The following FTO variants were observed in gnomAD, a reference collection of about 807,000 sequenced individuals.
FTO encodes the protein alpha-ketoglutarate-dependent dioxygenase FTO.
In FTO, 47 loss-of-function variants were observed where a neutral mutation model predicts 63.9. The ratio of observed to expected loss-of-function variants is 0.74; its 90% CI spans 0.58 to 0.94. The LOEUF is 0.94. FTO is among the 40% of genes least tolerant of loss of function. The pLI, the probability that FTO is intolerant of heterozygous loss-of-function variation, is 0.00. For synonymous variants in FTO, 207 were observed against 224.4 expected, an observed-to-expected ratio of 0.92 and a Z score of 0.69; for missense variants, 562 against 618.1, an observed-to-expected ratio of 0.91 and a Z score of 0.96.
chr16:53,748,954 C>T (rs1405106072), intron 1 of FTO, among the ~76,000 whole-genome samples: 5 of 151,018 alleles, frequency 3.3e-5, no homozygotes, highest in African/African-American at 1.2e-4. Flanking sequence ...TTAGTAGAGA[C>T]GAGGTTTCAC....
chr16:53,999,874 T>A (rs2084028814), intron 8 of FTO: 1 of 152,224 alleles, frequency 6.6e-6, no homozygotes, highest in African/African-American at 2.4e-5. Flanking sequence ...CCACTCTGGA[T>A]TGACAGACAT....
intron 8 of FTO, among the ~76,000 whole-genome samples, chr16:53,961,433 A>G (rs2083078920): frequency 6.6e-6 from 1 of 152,206 alleles, no homozygotes; most frequent in Admixed American, 6.5e-5. Flanking sequence ...ATGCTGTTGC[A>G]CCTGAAGTTT....
At chr16:53,894,921 T>G (rs1054934651) in intron 7 of FTO, among the ~76,000 whole-genome samples, 12 of 152,204 alleles carry the variant, frequency 7.9e-5, no homozygotes, top group Non-Finnish European at 1.8e-4. Context: ...TTTCTGAAAC[T>G]GGTGTGCAGG....
At chr16:53,969,203 T>C (rs866341034) in intron 8 of FTO, among the ~76,000 whole-genome samples, 3 of 149,704 alleles carry the variant, frequency 2.0e-5, no homozygotes, top group African/African-American at 5.1e-5. Flanking sequence ...CTGTCCTTTA[T>C]ATTAAAAGAA....
At chr16:53,704,031 G>A (rs1971782909), upstream of FTO, 5 of 831,482 alleles carry the variant, frequency 6.0e-6, no homozygotes, top group African/African-American at 1.7e-5. Flanking sequence ...CGCGGGTGTC[G>A]CCGCGGTGCA....
At chr16:54,107,833 C>T (rs2086791091) in intron 8 of FTO, among the ~76,000 whole-genome samples, 1 of 152,204 alleles carries the variant, frequency 6.6e-6, no homozygotes, top group African/African-American at 2.4e-5. Flanking sequence ...GGCAGTTCCA[C>T]ATCACACATC....
intron 7 of FTO, among the ~76,000 whole-genome samples, chr16:53,903,408 G>A (rs1043957429): frequency 7.9e-5 from 12 of 151,928 alleles, no homozygotes; most frequent in Non-Finnish European, 1.5e-4. Context: ...CCAGGTGCTC[G>A]CCACCACACC....
intron 3 of FTO, among the ~76,000 whole-genome samples, chr16:53,836,505 T>C (rs1411944467): frequency 6.6e-6 from 1 of 152,230 alleles, no homozygotes; most frequent in Non-Finnish European, 1.5e-5. Context: ...CCCAAATCTG[T>C]TAAGTATTTG....
At chr16:53,946,042 T>A (rs2082643412) in intron 8 of FTO, among the ~76,000 whole-genome samples, 1 of 152,206 alleles carries the variant, frequency 6.6e-6, no homozygotes, top group Admixed American at 6.5e-5. Flanking sequence ...AAAGTTTAAC[T>A]CTGGCTTTCA....
At chr16:53,739,576 A>G (rs1031756919) in intron 1 of FTO, among the ~76,000 whole-genome samples, 1 of 152,176 alleles carries the variant, frequency 6.6e-6, no homozygotes, top group Non-Finnish European at 1.5e-5. Context: ...TGCCTCATAT[A>G]TGTGTGAATG....
chr16:53,747,178 A>G (rs1264166235), intron 1 of FTO, among the ~76,000 whole-genome samples: 2 of 152,178 alleles, frequency 1.3e-5, no homozygotes, highest in African/African-American at 4.8e-5. Context: ...GAGTGCAGAC[A>G]TCTCTTTGAC....
At chr16:54,083,688 T>C (rs2086200373) in intron 8 of FTO, among the ~76,000 whole-genome samples, 1 of 152,186 alleles carries the variant, frequency 6.6e-6, no homozygotes, top group Non-Finnish European at 1.5e-5. Context: ...ACCGCCATTA[T>C]GGAGCCTATT....
intron 8 of FTO, among the ~76,000 whole-genome samples, chr16:54,068,291 T>C (rs1451462214): frequency 2.0e-5 from 3 of 152,276 alleles, no homozygotes; most frequent in South Asian, 2.1e-4. Context: ...TTTTTTCTAG[T>C]GCATTTCCAG....
intron 7 of FTO, among the ~76,000 whole-genome samples, chr16:53,902,127 G>A (rs1024554946): frequency 2.6e-5 from 4 of 152,104 alleles, no homozygotes; most frequent in African/African-American, 4.8e-5. Flanking sequence ...AACAGGTAAC[G>A]TCGGCATAGT....
intron 7 of FTO, among the ~76,000 whole-genome samples, chr16:53,928,795 G>T (rs1299066573): frequency 2.6e-5 from 4 of 151,866 alleles, no homozygotes; most frequent in African/African-American, 9.7e-5. Flanking sequence ...CAATAAAATT[G>T]GCCTTATTTT....
At position 54,112,044 on chromosome 16, in the gene FTO, A is replaced by G; in HGVS notation, c.*129A>G. The G allele has an allele frequency of 1.1e-6, 1 of 941,020 alleles. No homozygotes were observed. Among genetic ancestry groups the G allele is most frequent in the East Asian group, 2.4e-5 (1 of 41,520 alleles). 58.3% of individuals were successfully genotyped at this position (941,020 alleles called of 1,614,324 possible). ...GATTGTAGCACCCGGGTCCCAATCC[A>G]AAACAGCTAGGAAATGGTGCCCATG... On this transcript the variant is annotated 3_prime_UTR_variant, in exon 9 of 9. Transcript: ENST00000471389.
rs2086977411 is a variant in FTO at position 54,116,757 on chromosome 16, C to A, written c.*4842C>A. 6.6e-6 allele frequency: 1 copy of A among 152,124 alleles called. No homozygotes were observed. Among genetic ancestry groups the A allele is most frequent in the Non-Finnish European group, 1.5e-5 (1 of 68,058 alleles). The allele number at this position is 152,124 out of a possible 1,614,324, so 9.4% of individuals were successfully genotyped here. A position where few individuals can be genotyped will look rare whatever the true frequency, so the allele number is the denominator to read the frequency against. On this transcript the variant is annotated 3_prime_UTR_variant, in exon 9 of 9. Transcript: ENST00000471389. ...CTGGTTCTCTCGCTCACCTGAGACA[C>A]CCGATAGATTCCTGGAAACTCCAGG...
At chr16:53,985,825 G>A (rs1283117786) in intron 8 of FTO, among the ~76,000 whole-genome samples, 1 of 152,216 alleles carries the variant, frequency 6.6e-6, no homozygotes, top group Non-Finnish European at 1.5e-5. Flanking sequence ...AGTCAGATAT[G>A]TTGGGGGTAT....
intron 8 of FTO, among the ~76,000 whole-genome samples, chr16:53,959,171 G>A (rs1436978371): frequency 1.3e-5 from 2 of 152,324 alleles, no homozygotes; most frequent in South Asian, 4.1e-4. Flanking sequence ...AAGATGTCAA[G>A]TAACCTTCCC....
Sources: allele counts gnomAD v4.1 joint callset (sites outside exome capture counted in the v4.1 genomes callset), GRCh38; gene constraint gnomAD v4.1.1; transcripts MANE v1.5; gene names NCBI Gene and HGNC (gene_info 2026-07-23, HGNC 2026-07-21).